Variants in KDR observed in about 807,000 individuals in gnomAD.
KDR encodes the protein kinase insert domain receptor.
A neutral mutation model predicts 160.9 loss-of-function variants in KDR; 43 were observed. The ratio of observed to expected loss-of-function variants is 0.27; its 90% confidence interval spans 0.21 to 0.34. The LOEUF is 0.34. Ranked by LOEUF, KDR falls within the 10% of genes least tolerant of loss-of-function variation. The pLI, the probability that KDR is intolerant of heterozygous loss-of-function variation, is 1.00. For missense variants in KDR, 1,469 were observed against 1,666.4 expected (o/e 0.88, Z 2.06); for synonymous variants, 617 against 600.1 (o/e 1.03, Z -0.41).
Position 55,092,721 on chromosome 4 carries a change from A to G in KDR, c.2972-7T>C, listed in dbSNP as rs750538411. 5.0e-6 allele frequency: 8 copies of G among 1,590,606 alleles called. No individual in the cohort carries two copies. In the South Asian group the frequency reaches 8.8e-5, roughly 18 times the overall value. ...TTATACAGATCTTCAGGAGCTGTCCAAAGAGGCAGGAGGATGGAGATCAGT... is the reference window on the plus strand; with the variant it reads ...TTATACAGATCTTCAGGAGCTGTCCGAAGAGGCAGGAGGATGGAGATCAGT... On this transcript the variant is annotated splice_region_variant and splice_polypyrimidine_tract_variant and intron_variant, in intron 21 of 29. Coordinates refer to ENST00000263923, the MANE Select transcript of KDR (RefSeq NM_002253.4).
rs1445509672 is a variant in KDR, at chr4:55,125,351, CGCCTGTCTAGAGAAGGAG to C, written c.-76_-59del. The C allele has an allele frequency of 1.9e-6, 3 of 1,559,234 alleles. No homozygotes were observed. In the African/African-American group the frequency reaches 4.1e-5, roughly 21 times the overall value. The stretch of plus-strand genomic sequence containing the variant: ...CTCGGGAGCCGGTTCTTTCTCCCAG[CGCCTGTCTAGAGAAGGAG>C]GCGCGGAGGTGGAACTCGCGGCACC... On this transcript the variant is annotated 5_prime_UTR_variant, in exon 1 of 30. The change abolishes the stop of an existing upstream ORF in the 5' untranslated region. Transcript: ENST00000263923.
intron 7 of KDR, among the ~76,000 whole-genome samples, chr4:55,111,993 T>C (rs17711073): frequency 0.068 from 10,341 of 152,284 alleles, 378 homozygotes; most frequent in Middle Eastern, 0.11. Context: ...TGATGCATTC[T>C]CATAATATAA....
chr4:55,082,420 C>A, intron 28 of KDR, 116 bp downstream of exon 28: 1 of 783,468 alleles, frequency 1.3e-6, no homozygotes, highest in Non-Finnish European at 2.2e-6. Context: ...GATACACACA[C>A]TCGAGGGCAG....
intron 27 of KDR, among the ~76,000 whole-genome samples, chr4:55,087,170 C>T (rs1719885651): frequency 6.6e-6 from 1 of 152,194 alleles, no homozygotes; most frequent in East Asian, 1.9e-4. Flanking sequence ...AGACCCATGG[C>T]TTTCTGTATC....
intron 2 of KDR, 112 bp from the exon 3 acceptor site, chr4:55,118,912 A>T: frequency 5.7e-6 from 5 of 870,118 alleles, no homozygotes; most frequent in Non-Finnish European, 9.3e-6. Flanking sequence ...CAACAGACAC[A>T]GTCAGTCTTC....
Position 55,104,809 on chromosome 4 carries a change from A to C in KDR, c.1821T>G (p.Asp607Glu). The C allele has an allele frequency of 6.2e-7, 1 of 1,613,990 alleles. No individual in the cohort carries two copies. The highest frequency in any genetic ancestry group is 8.5e-7 in the Non-Finnish European group (1 of 1,179,906). ...TGGTGGCATTCAATTTCCAAAGAGT[A>C]TCCAAGTTCTTGCAAACAGGTGTGG... ...ELPTPVCKNL[D>E]TLWKLNATMF... is the part of the protein sequence containing the mutation. Residue 607 changes from aspartate to glutamate, a missense_variant, in exon 13 of 30, where the codon GAT becomes GAG. Around this residue, in one of 7 missense-constraint regions of KDR, gnomAD observed 792 missense variants for 840.9 expected, o/e 0.94. Coordinates refer to ENST00000263923, the MANE Select transcript of KDR (RefSeq NM_002253.4).
rs1377304340 is a variant in KDR at position 55,110,767 on chromosome 4, T to C, written c.978A>G (p.Glu326=). Residue 326 remains glutamate, a splice_region_variant and synonymous_variant, in exon 8 of 30, where the codon GAA becomes GAG. Transcript: ENST00000263923. ...KKNSTFVRVH[E]KPFVAFGSGM... is the part of the protein sequence containing the mutation. ...CACTTCCAAAAGCAACAAAAGGTTT[T>C]TCTGGAAGAAAATAAAAAAAAAAAA... The C allele has an allele frequency of 1.3e-6, 2 of 1,584,858 alleles. No homozygotes were observed. Among genetic ancestry groups the C allele is most frequent in the Non-Finnish European group, 1.7e-6 (2 of 1,170,052 alleles).
intron 1 of KDR, among the ~76,000 whole-genome samples, chr4:55,124,357 G>T (rs1166405069): frequency 6.6e-6 from 1 of 152,154 alleles, no homozygotes. Flanking sequence ...AGAAAAGACA[G>T]ACAGCTATTG....
intron 22 of KDR, among the ~76,000 whole-genome samples, chr4:55,091,855 TC>T (rs1221172903): frequency 2.3e-4 from 35 of 152,308 alleles, no homozygotes; most frequent in African/African-American, 7.5e-4. Flanking sequence ...CCAGCCTTGC[TC>T]CCCGCTTGGT....
In KDR at chr4:55,094,950, T is replaced by C. The variant is rs772654881; in HGVS notation, c.2823A>G (p.Lys941=). The C allele has an allele frequency of 5.0e-6, 8 of 1,613,860 alleles. No individual in the cohort carries two copies. In the Admixed American group the frequency reaches 1.3e-4, roughly 27 times the overall value. The change falls in exon 21 of 30, where the codon AAA becomes AAG. Residue 941 remains lysine (K), a synonymous_variant. Coordinates refer to ENST00000263923, the MANE Select transcript of KDR (RefSeq NM_002253.4). ...CTTTCCCTTGACGGAATCGTGCCCC[T>C]TTGGTCTATAAAAAAGCAAAGGAAC... ...KRNEFVPYKT[K]GARFRQGKDY...
chr4:55,102,436 G>A lies in KDR; in HGVS notation c.2060C>T (p.Ser687Leu), dbSNP rs776601201. 6.2e-7 allele frequency: 1 copy of A among 1,613,618 alleles called. No individual in the cohort carries two copies. The highest frequency in any genetic ancestry group is 8.5e-7 in the Non-Finnish European group (1 of 1,179,624). ...AGGGGGATTCCCAGATGCCGTGCAT[G>A]AGACTTCGATGCTTTCCCCAATACT... ...TTSIGESIEV[S>L]CTASGNPPPQ... The change falls in exon 14 of 30, where the codon TCA becomes TTA. Residue 687 changes from serine (S) to leucine (L), a missense_variant. Transcript: ENST00000263923.
Position 55,088,870 on chromosome 4 carries a change from G to C in KDR, c.3508C>G (p.Gln1170Glu), listed in dbSNP as rs1223520968. 6.2e-7 allele frequency: 1 copy of C among 1,611,582 alleles called. No homozygotes were observed. Among genetic ancestry groups the C allele is most frequent in the East Asian group, 2.2e-5 (1 of 44,864 alleles). Residue 1170 changes from glutamine (Q) to glutamate (E), a missense_variant and splice_region_variant, in exon 26 of 30, where the codon CAG (glutamine) becomes GAG (glutamate). By Grantham distance (29) the Gln-to-Glu change is conservative. Transcript: ENST00000263923. ...CTTCTTGGATGGAGGTGACAAACCTGCTGAGCATTAGCTTGCAAGAGATTT... is the reference window on the plus strand; with the variant it reads ...CTTCTTGGATGGAGGTGACAAACCTCCTGAGCATTAGCTTGCAAGAGATTT... ...LGNLLQANAQ[Q>E]DGKDYIVLPI... is the part of the protein sequence containing the mutation.
chr4:55,098,692 T>G lies in KDR; in HGVS notation c.2373+5A>C. On this transcript the variant is annotated splice_donor_5th_base_variant and intron_variant, in intron 16 of 29. Coordinates refer to ENST00000263923, the MANE Select transcript of KDR (RefSeq NM_002253.4). ...GCATGGGCAGAAGGGAAATTATTTT[T>G]TTACCCGCTTAACGGTCCGTAGGAT... is the stretch of plus-strand genomic sequence containing the variant. The G allele has an allele frequency of 1.2e-6, 2 of 1,606,122 alleles. No individual in the cohort carries two copies. Among genetic ancestry groups the G allele is most frequent in the Non-Finnish European group, 1.7e-6 (2 of 1,172,894 alleles).
intron 22 of KDR, among the ~76,000 whole-genome samples, chr4:55,090,379 A>G (rs1027467441): frequency 1.3e-5 from 2 of 152,190 alleles, no homozygotes; most frequent in Admixed American, 1.3e-4. Context: ...TCACATCCAC[A>G]CATTCCTTTT....
At chr4:55,088,669 G>A (rs545039167) in intron 26 of KDR, among the ~76,000 whole-genome samples, 199 bp downstream of exon 26, 7 of 152,272 alleles carry the variant, frequency 4.6e-5, no homozygotes, top group African/African-American at 1.7e-4. Flanking sequence ...CTGCTCCCGG[G>A]TTATAAATTA....
chr4:55,078,847 C>CAGA lies in KDR; in HGVS notation c.*1093_*1094insTCT, dbSNP rs1719648231. Reference sequence around the variant, plus strand: ...ATAATTTTGAAGTCTGGCTAATAATCATTCAGAGAGTGAACAAACCCAATC... The same window carrying CAGA: ...ATAATTTTGAAGTCTGGCTAATAATCAGAATTCAGAGAGTGAACAAACCCAATC... On this transcript the variant is annotated 3_prime_UTR_variant, in exon 30 of 30. Transcript: ENST00000263923. The CAGA allele has an allele frequency of 3.9e-5, 9 of 233,166 alleles. No homozygotes were observed. The East Asian group carries it at 5.4e-4, about 14-fold the overall frequency. The allele number at this position is 233,166 out of a possible 1,614,324, so 14.4% of individuals were successfully genotyped here. A position where few individuals can be genotyped will look rare whatever the true frequency, so the allele number is the denominator to read the frequency against.
intron 21 of KDR, 31 bp from the exon 22 acceptor site, chr4:55,092,745 G>C (rs2110013884): frequency 7.2e-7 from 1 of 1,393,594 alleles, no homozygotes; most frequent in Non-Finnish European, 1.0e-6. Flanking sequence ...ATGGAGATCA[G>C]TATTTCCATG....
At chr4:55,122,552 C>T (rs1410853205) in intron 1 of KDR, among the ~76,000 whole-genome samples, 1 of 152,002 alleles carries the variant, frequency 6.6e-6, no homozygotes, top group Non-Finnish European at 1.5e-5. Context: ...TCTGAGGATC[C>T]CAATATGAAC....
At chr4:55,113,159 G>A (rs1345864420) in intron 7 of KDR, 145 bp downstream of exon 7, 4 of 815,204 alleles carry the variant, frequency 4.9e-6, no homozygotes, top group Non-Finnish European at 8.1e-6. Context: ...CTATGCTCTT[G>A]ACCTCTAGGT....
Sources: allele counts gnomAD v4.1 joint callset (sites outside exome capture counted in the v4.1 genomes callset), GRCh38; gene constraint gnomAD v4.1.1; regional missense constraint gnomAD v4.1.1; transcripts MANE v1.5; gene names NCBI Gene and HGNC (gene_info 2026-07-23, HGNC 2026-07-21).